Variants in ALPI observed in about 807,000 individuals in gnomAD.
ALPI encodes intestinal-type alkaline phosphatase.
In ALPI, 50 loss-of-function variants were observed where a neutral mutation model predicts 51.5. The ratio of observed to expected loss-of-function variants is 0.97; its 90% confidence interval spans 0.77 to 1.23. The LOEUF (loss-of-function observed/expected upper bound fraction) is 1.23. Among genes scored for constraint, ALPI ranks in the 50% most tolerant of loss-of-function variants. The pLI, the probability that ALPI is intolerant of heterozygous loss-of-function variation, is 0.00. For missense variants in ALPI, 692 were observed against 722.4 expected (o/e 0.96, Z 0.48); for synonymous variants, 322 against 308.2 (o/e 1.04, Z -0.47).
Position 232,458,683 on chromosome 2 carries a change from A to G in ALPI, c.1235A>G (p.Tyr412Cys), listed in dbSNP as rs1005259093. The G allele has an allele frequency of 1.9e-6, 3 of 1,613,890 alleles. No homozygotes were observed. Among genetic ancestry groups the G allele is most frequent in the African/African-American group, 2.7e-5 (2 of 74,932 alleles). ...QDSKAYTSIL[Y>C]GNGPGYVFNS... ...AGCAAAGCCTACACGTCCATCCTGTACGGCAATGGCCCGGGCTACGTGTTC... is the reference window on the plus strand; with the variant it reads ...AGCAAAGCCTACACGTCCATCCTGTGCGGCAATGGCCCGGGCTACGTGTTC... The change falls in exon 10 of 11, where the codon TAC (tyrosine) becomes TGC (cysteine). Residue 412 changes from tyrosine to cysteine, a missense_variant. Transcript: ENST00000295463.
rs542927680 is a variant in ALPI, at chr2:232,460,629, A to C, written c.*1483A>C. On this transcript the variant is annotated 3_prime_UTR_variant, in exon 11 of 11. Coordinates refer to ENST00000295463, the MANE Select transcript of ALPI (RefSeq NM_001631.5). ...TTCCAGCAAATTTTGCAGTATTACA[A>C]ATTTATTTGTACATTTACAAAGGTG... is the stretch of plus-strand genomic sequence containing the variant. Among the ~76,000 whole-genome samples, 1 of 152,218 alleles carries C rather than the reference A, an allele frequency of 6.6e-6. No homozygotes were observed. The highest frequency in any genetic ancestry group is 1.5e-5 in the Non-Finnish European group (1 of 68,040).
Position 232,459,076 on chromosome 2 carries a change from A to C in ALPI, c.1517A>C (p.His506Pro). Residue 506 changes from histidine to proline, a missense_variant, in exon 11 of 11, where the codon CAC becomes CCC. By Grantham distance (77) the His-to-Pro change is moderately conservative (BLOSUM62 -2). Coordinates refer to ENST00000295463, the MANE Select transcript of ALPI (RefSeq NM_001631.5). Reference sequence around the variant, plus strand: ...CCCGCCTGCACCACCGACGCCGCGCACCCAGTTGCCGCGTCGCTGCCACTG... The same window carrying C: ...CCCGCCTGCACCACCGACGCCGCGCCCCCAGTTGCCGCGTCGCTGCCACTG... The part of the protein sequence containing the change: ...APPACTTDAA[H>P]PVAASLPLLA... 1 of 1,544,808 alleles carries C rather than the reference A, an allele frequency of 6.5e-7. No homozygotes were observed. Among genetic ancestry groups the C allele is most frequent in the Non-Finnish European group, 8.7e-7 (1 of 1,146,976 alleles).
chr2:232,459,236 A>T lies in ALPI; in HGVS notation c.*90A>T. The T allele has an allele frequency of 6.9e-7, 1 of 1,447,366 alleles. No individual in the cohort carries two copies. The highest frequency in any genetic ancestry group is 9.1e-7 in the Non-Finnish European group (1 of 1,096,444). The allele number at this position is 1,447,366 out of a possible 1,614,324, so 89.7% of individuals were successfully genotyped here. A position where few individuals can be genotyped will look rare whatever the true frequency, so the allele number is the denominator to read the frequency against. ...GCCGCCACTTCCAGCGAACACACACAGGTGTCCTGCCGTTGGACCTTCACC... is the reference window on the plus strand; with the variant it reads ...GCCGCCACTTCCAGCGAACACACACTGGTGTCCTGCCGTTGGACCTTCACC... On this transcript the variant is annotated 3_prime_UTR_variant, in exon 11 of 11. Transcript: ENST00000295463.
At position 232,459,124 on chromosome 2, in the gene ALPI, T is replaced by TG; in HGVS notation, c.1570dup (p.Ala524GlyfsTer90). 6.5e-7 allele frequency: 1 copy of TG among 1,534,474 alleles called. No homozygotes were observed. On this transcript the variant is annotated frameshift_variant, in exon 11 of 11. Coordinates refer to ENST00000295463, the MANE Select transcript of ALPI (RefSeq NM_001631.5). LOFTEE classifies it low-confidence loss of function (END_TRUNC). ...CTGCTGGCCGGGACCCTGCTGCTGC[T>TG]GGGGGCGTCCGCTGCTCCCTGAGTG...
chr2:232,458,485 C>A, intron 9 of ALPI, 77 bp downstream of exon 9: 2 of 1,543,198 alleles, frequency 1.3e-6, no homozygotes, highest in Non-Finnish European at 1.8e-6. Flanking sequence ...CCTCCTCTGT[C>A]AAAAGTGTGC....
rs1268288839 is a variant in ALPI at position 232,458,674 on chromosome 2, C to T, written c.1226C>T (p.Ser409Phe). 2 of 1,614,026 alleles carry T rather than the reference C, an allele frequency of 1.2e-6. No individual in the cohort carries two copies. The highest frequency in any genetic ancestry group is 2.7e-5 in the African/African-American group (2 of 75,064). Residue 409 changes from serine (S) to phenylalanine (F), a missense_variant, in exon 10 of 11, where the codon TCC becomes TTC. By Grantham distance (155) the Ser-to-Phe change is radical. Transcript: ENST00000295463. ...SKAQDSKAYT[S>F]ILYGNGPGYV... ...GCTCAGGACAGCAAAGCCTACACGT[C>T]CATCCTGTACGGCAATGGCCCGGGC...
chr2:232,458,109 G>A lies in ALPI; in HGVS notation c.968G>A (p.Arg323His), dbSNP rs374647501. ...AALRLLSRNPRGFYLFVEGGR... is the reference protein window; with the variant it reads ...AALRLLSRNPHGFYLFVEGGR... The stretch of plus-strand genomic sequence containing the variant: ...CTGCGCCTGCTGAGCAGGAACCCCC[G>A]CGGCTTCTACCTCTTTGTGGAGGGT... Residue 323 changes from arginine to histidine, a missense_variant, in exon 8 of 11, where the codon CGC (arginine) becomes CAC (histidine). Transcript: ENST00000295463. 4 of 1,613,994 alleles carry A rather than the reference G, an allele frequency of 2.5e-6. No individual in the cohort carries two copies. The highest frequency in any genetic ancestry group is 2.5e-6 in the Non-Finnish European group (3 of 1,180,020).
chr2:232,457,362 G>A lies in ALPI; in HGVS notation c.648+40G>A. Reference sequence around the variant, plus strand: ...CCAAGGGCTGGGGCTGGGCAGAGGGGAAGGTGGCACAGGCTCAGATCCAGG... The same window carrying A: ...CCAAGGGCTGGGGCTGGGCAGAGGGAAAGGTGGCACAGGCTCAGATCCAGG... On this transcript the variant is annotated intron_variant, in intron 5 of 10. Transcript: ENST00000295463. The surrounding 1 kb of genome is among the most constrained non-coding windows in gnomAD (Gnocchi z 4.7). The A allele has an allele frequency of 6.4e-7, 1 of 1,574,260 alleles. No individual in the cohort carries two copies. Among genetic ancestry groups the A allele is most frequent in the Non-Finnish European group, 8.6e-7 (1 of 1,159,862 alleles).
chr2:232,456,387 G>T lies in ALPI; in HGVS notation c.106G>T (p.Ala36Ser). 6.2e-7 allele frequency: 1 copy of T among 1,614,040 alleles called. No homozygotes were observed. Residue 36 changes from alanine (A) to serine (S), a missense_variant, in exon 2 of 11, where the codon GCT (alanine) becomes TCT (serine). By Grantham distance (99) the Ala-to-Ser change is moderately conservative. Coordinates refer to ENST00000295463, the MANE Select transcript of ALPI (RefSeq NM_001631.5). This position sits in a 1 kb window ranked among gnomAD's most constrained non-coding sequence, Gnocchi z 4.2. Reference sequence around the variant, plus strand: ...CCCGGCCTTCTGGAACCGCCAGGCAGCTGAGGCCCTGGATGCTGCCAAGAA... The same window carrying T: ...CCCGGCCTTCTGGAACCGCCAGGCATCTGAGGCCCTGGATGCTGCCAAGAA... Reference protein sequence around the residue: ...ENPAFWNRQAAEALDAAKKLQ... With the variant: ...ENPAFWNRQASEALDAAKKLQ...
At position 232,458,895 on chromosome 2, in the gene ALPI, C is replaced by CT; in HGVS notation, c.1337dup (p.Ser447ValfsTer167). On this transcript the variant is annotated frameshift_variant, in exon 11 of 11. Coordinates refer to ENST00000295463, the MANE Select transcript of ALPI (RefSeq NM_001631.5). LOFTEE classifies it low-confidence loss of function (END_TRUNC). ...TTACCAGCAGCAGGCGGCGGTGCCC[C>CT]TGTCGTCCGAGACCCACGGAGGCGA... 1 of 1,610,624 alleles carries CT rather than the reference C, an allele frequency of 6.2e-7. No homozygotes were observed. Among genetic ancestry groups the CT allele is most frequent in the Non-Finnish European group, 8.5e-7 (1 of 1,179,202 alleles).
At position 232,460,461 on chromosome 2, in the gene ALPI, G is replaced by C. The variant is rs1024654210; in HGVS notation, c.*1315G>C. Among the ~76,000 whole-genome samples the C allele has an allele frequency of 6.6e-6, 1 of 152,154 alleles. No individual in the cohort carries two copies. The highest frequency in any genetic ancestry group is 1.5e-5 in the Non-Finnish European group (1 of 68,022). On this transcript the variant is annotated 3_prime_UTR_variant, in exon 11 of 11. Transcript: ENST00000295463. ...GGGGTGGTGGCAGGCTCAGGTGAAA[G>C]CTGGGGAAGGAGCTGACTCCAGGTG...
chr2:232,457,406 G>A lies in ALPI; in HGVS notation c.648+84G>A, dbSNP rs1690217059. ...ATCCAGGCAACCAAAAGCCTGATCT[G>A]GGTCAGCAGGTTCTGGAGGTGGAGT... On this transcript the variant is annotated intron_variant, in intron 5 of 10. Coordinates refer to ENST00000295463, the MANE Select transcript of ALPI (RefSeq NM_001631.5). The surrounding 1 kb of genome is among the most constrained non-coding windows in gnomAD (Gnocchi z 4.7). 6.4e-7 allele frequency: 1 copy of A among 1,553,060 alleles called. No homozygotes were observed. The highest frequency in any genetic ancestry group is 2.2e-5 in the East Asian group (1 of 44,474).
In ALPI at chr2:232,457,535, C is replaced by A; in HGVS notation, c.649-30C>A. 6.3e-7 allele frequency: 1 copy of A among 1,580,500 alleles called. No homozygotes were observed. ...GGGGGCACGGGGCCAGCCAGGCCCC[C>A]AAACCACCTGCCCCATCCATTGTCC... On this transcript the variant is annotated intron_variant, in intron 5 of 10. Transcript: ENST00000295463. The surrounding 1 kb of genome is among the most constrained non-coding windows in gnomAD (Gnocchi z 4.7).
In ALPI at chr2:232,457,536, A is replaced by G. The variant is rs749382126; in HGVS notation, c.649-29A>G. 27 of 1,581,008 alleles carry G rather than the reference A, an allele frequency of 1.7e-5. No homozygotes were observed. The East Asian group carries it at 5.4e-4, about 31-fold the overall frequency. ...GGGGCACGGGGCCAGCCAGGCCCCC[A>G]AACCACCTGCCCCATCCATTGTCCT... On this transcript the variant is annotated intron_variant, in intron 5 of 10. Transcript: ENST00000295463. This position sits in a 1 kb window ranked among gnomAD's most constrained non-coding sequence, Gnocchi z 4.7.
chr2:232,458,770 GTGCAGGGGGACC>G, intron 10 of ALPI, 22 bp downstream of exon 10: 1 of 1,613,248 alleles, frequency 6.2e-7, no homozygotes, highest in Non-Finnish European at 8.5e-7. Context: ...TGAATGGCCC[GTGCAGGGGGACC>G]AGGGTGCCAG....
rs1243596062 is a variant in ALPI, at chr2:232,459,084, G to C, written c.1525G>C (p.Ala509Pro). 2 of 1,542,866 alleles carry C rather than the reference G, an allele frequency of 1.3e-6. No homozygotes were observed. The highest frequency in any genetic ancestry group is 8.7e-7 in the Non-Finnish European group (1 of 1,146,594). ...CACCACCGACGCCGCGCACCCAGTTGCCGCGTCGCTGCCACTGCTGGCCGG... is the reference window on the plus strand; with the variant it reads ...CACCACCGACGCCGCGCACCCAGTTCCCGCGTCGCTGCCACTGCTGGCCGG... The part of the protein sequence containing the change: ...ACTTDAAHPV[A>P]ASLPLLAGTL... Residue 509 changes from alanine (A) to proline (P), a missense_variant, in exon 11 of 11, where the codon GCC becomes CCC. Ala to Pro is a conservative substitution (Grantham distance 27). Coordinates refer to ENST00000295463, the MANE Select transcript of ALPI (RefSeq NM_001631.5).
At position 232,457,679 on chromosome 2, in the gene ALPI, G is replaced by T; in HGVS notation, c.763G>T (p.Glu255Ter). 6.2e-7 allele frequency: 1 copy of T among 1,613,348 alleles called. No individual in the cohort carries two copies. Among genetic ancestry groups the T allele is most frequent in the South Asian group, 1.1e-5 (1 of 91,022 alleles). ...GCTGGACGGGAAGAACCTGGTGCAG[G>T]AATGGCTGGCAAAGCACCAGGTGAT... ...IRLDGKNLVQ[E>*]WLAKHQGAWY... is the part of the protein sequence containing the mutation. Residue 255 changes from glutamate (E) to a stop codon, truncating the protein, a stop_gained, in exon 6 of 11, where the codon GAA (glutamate) becomes TAA (stop). Coordinates refer to ENST00000295463, the MANE Select transcript of ALPI (RefSeq NM_001631.5). LOFTEE classifies it high-confidence loss of function. This position sits in a 1 kb window ranked among gnomAD's most constrained non-coding sequence, Gnocchi z 4.7.
At position 232,457,180 on chromosome 2, in the gene ALPI, G is replaced by A. The variant is rs753905708; in HGVS notation, c.506G>A (p.Arg169Gln). ...GKSVGVVTTTRVQHASPAGTY... is the reference protein window; with the variant it reads ...GKSVGVVTTTQVQHASPAGTY... ...TCAGTAGGAGTGGTGACCACCACAC[G>A]GGTGCAGCACGCCTCGCCAGCCGGC... The change falls in exon 5 of 11, where the codon CGG (arginine) becomes CAG (glutamine). Residue 169 changes from arginine (R) to glutamine (Q), a missense_variant. Transcript: ENST00000295463. The surrounding 1 kb of genome is among the most constrained non-coding windows in gnomAD (Gnocchi z 4.7). 8 of 1,613,348 alleles carry A rather than the reference G, an allele frequency of 5.0e-6. No homozygotes were observed. In the Admixed American group the frequency reaches 6.7e-5, roughly 13 times the overall value.
rs1690265457 is a variant in ALPI, at chr2:232,459,139, C to T, written c.1580C>T (p.Ala527Val). 7 of 1,531,336 alleles carry T rather than the reference C, an allele frequency of 4.6e-6. No individual in the cohort carries two copies. The highest frequency in any genetic ancestry group is 4.4e-6 in the Non-Finnish European group (5 of 1,144,302). The allele number at this position is 1,531,336 out of a possible 1,614,324, so 94.9% of individuals were successfully genotyped here. Residue 527 changes from alanine (A) to valine (V), a missense_variant, in exon 11 of 11, where the codon GCT becomes GTT. Transcript: ENST00000295463. ...GTLLLLGASA[A>V]P is the part of the protein sequence containing the mutation. ...CTGCTGCTGCTGGGGGCGTCCGCTG[C>T]TCCCTGAGTGCCCCACTCCGGAGTT...
Sources: allele counts gnomAD v4.1 joint callset (sites outside exome capture counted in the v4.1 genomes callset), GRCh38; gene constraint gnomAD v4.1.1; non-coding constraint Gnocchi (gnomAD v3.1); transcripts MANE v1.5; gene names NCBI Gene and HGNC (gene_info 2026-07-23, HGNC 2026-07-21).